The following AJAP1 variants were observed in gnomAD, a reference collection of about 807,000 sequenced individuals.
AJAP1 encodes adherens junction-associated protein 1.
AJAP1 carries 5 observed loss-of-function variants against 35.0 expected under a neutral mutation model. That is an observed-to-expected ratio of 0.14 (90% CI 0.07 to 0.30). The LOEUF (loss-of-function observed/expected upper bound fraction) is 0.30. Among genes scored for constraint, AJAP1 ranks in the 10% least tolerant of loss-of-function variants. The pLI is 1.00. For missense variants in AJAP1, 586 were observed against 571.0 expected (o/e 1.03, Z -0.27); for synonymous variants, 284 against 249.3 (o/e 1.14, Z -1.31).
At chr1:4,733,896 G>A (rs1429629094) in intron 2 of AJAP1, among the ~76,000 whole-genome samples, 1 of 152,128 alleles carries the variant, frequency 6.6e-6, no homozygotes, top group African/African-American at 2.4e-5. Context: ...TGATTTCTGT[G>A]CTCATAATTC....
intron 1 of AJAP1, among the ~76,000 whole-genome samples, chr1:4,700,862 G>A (rs865873661): frequency 7.2e-5 from 11 of 152,196 alleles, no homozygotes; most frequent in Admixed American, 2.0e-4. Context: ...GGGGCAGCTG[G>A]TCTGGACTGG....
rs1424184280 is a variant in AJAP1 at position 4,789,365 on chromosome 1, A to G, written c.*6880A>G. ...AACTCTTGTCAATATCTTGGATTCC[A>G]TAGTAAAACATCTGTTAAGTAACAT... On this transcript the variant is annotated 3_prime_UTR_variant, in exon 6 of 6. Transcript: ENST00000378191. This position sits in a 1 kb window ranked among gnomAD's most constrained non-coding sequence, Gnocchi z 4.4. 1 of 152,248 alleles carries G rather than the reference A, an allele frequency of 6.6e-6. No individual in the cohort carries two copies. Among genetic ancestry groups the G allele is most frequent in the Non-Finnish European group, 1.5e-5 (1 of 68,044 alleles). The allele number at this position is 152,248 out of a possible 1,614,324, so 9.4% of individuals were successfully genotyped here. A position where few individuals can be genotyped will look rare whatever the true frequency, so the allele number is the denominator to read the frequency against.
intron 2 of AJAP1, among the ~76,000 whole-genome samples, chr1:4,714,946 A>T (rs1640354823): frequency 6.6e-6 from 1 of 152,200 alleles, no homozygotes; most frequent in Non-Finnish European, 1.5e-5. Flanking sequence ...ACTGGGAAGT[A>T]CTTGCTGGTG....
At chr1:4,701,314 A>G (rs1639984253) in intron 1 of AJAP1, among the ~76,000 whole-genome samples, 1 of 152,186 alleles carries the variant, frequency 6.6e-6, no homozygotes, top group Non-Finnish European at 1.5e-5. Flanking sequence ...CAGGTGGGAA[A>G]ACTGAAGCAT....
intron 2 of AJAP1, among the ~76,000 whole-genome samples, chr1:4,749,772 T>C (rs949821521): frequency 1.3e-5 from 2 of 152,194 alleles, no homozygotes; most frequent in African/African-American, 4.8e-5. Context: ...TGGCACAGCT[T>C]GTGCCTTTAA....
At chr1:4,698,477 A>G (rs910012364) in intron 1 of AJAP1, among the ~76,000 whole-genome samples, 3 of 152,210 alleles carry the variant, frequency 2.0e-5, no homozygotes, top group Admixed American at 6.5e-5. Flanking sequence ...ACATCACCTT[A>G]GGTGGGCTGT....
chr1:4,780,387 G>A (rs1642035452), intron 5 of AJAP1, among the ~76,000 whole-genome samples: 1 of 151,740 alleles, frequency 6.6e-6, no homozygotes, highest in Non-Finnish European at 1.5e-5. Context: ...GAATCATACA[G>A]CATTCGTCTC....
chr1:4,668,070 C>T (rs1352613753), intron 1 of AJAP1, among the ~76,000 whole-genome samples: 1 of 152,098 alleles, frequency 6.6e-6, no homozygotes, highest in Non-Finnish European at 1.5e-5. Context: ...CAAAAATTAG[C>T]CAGGCGTGGT....
intron 1 of AJAP1, among the ~76,000 whole-genome samples, chr1:4,699,493 G>A (rs543375879): frequency 5.1e-4 from 78 of 152,302 alleles, no homozygotes; most frequent in Middle Eastern, 3.4e-3. Context: ...GGAAGCTGGC[G>A]ATAACCTGAC....
chr1:4,770,589 C>T (rs977489585), intron 3 of AJAP1, among the ~76,000 whole-genome samples: 1 of 152,182 alleles, frequency 6.6e-6, no homozygotes, highest in African/African-American at 2.4e-5. Context: ...CTGCCTGCAG[C>T]CACTCCTCCA....
chr1:4,771,550 T>C (rs1472461256), intron 3 of AJAP1, among the ~76,000 whole-genome samples: 1 of 152,162 alleles, frequency 6.6e-6, no homozygotes, highest in Non-Finnish European at 1.5e-5. Context: ...TCCTGTGCTC[T>C]CATCATAGAA....
intron 1 of AJAP1, among the ~76,000 whole-genome samples, chr1:4,669,215 C>T (rs1020103646): frequency 1.8e-4 from 28 of 152,152 alleles, no homozygotes; most frequent in Admixed American, 3.9e-4. Flanking sequence ...GCAGTCATTC[C>T]CCGTCCCCCT....
chr1:4,749,156 G>A, intron 2 of AJAP1, among the ~76,000 whole-genome samples: 1 of 152,168 alleles, frequency 6.6e-6, no homozygotes, highest in Non-Finnish European at 1.5e-5. Context: ...GTTGTAAAGG[G>A]CCTTCCGTGA....
At chr1:4,690,372 C>G (rs1280837155) in intron 1 of AJAP1, among the ~76,000 whole-genome samples, 2 of 152,294 alleles carry the variant, frequency 1.3e-5, no homozygotes, top group Non-Finnish European at 2.9e-5. Flanking sequence ...CTTGTGTGAC[C>G]TCTTGTTTCA....
chr1:4,702,575 G>A (rs996910126), intron 1 of AJAP1, among the ~76,000 whole-genome samples: 1 of 152,160 alleles, frequency 6.6e-6, no homozygotes, highest in Non-Finnish European at 1.5e-5. Flanking sequence ...AAATGCCTTG[G>A]AGTGGACTGG....
chr1:4,672,083 A>C (rs1053001353), intron 1 of AJAP1, among the ~76,000 whole-genome samples: 1 of 152,190 alleles, frequency 6.6e-6, no homozygotes, highest in Admixed American at 6.5e-5. Flanking sequence ...TAACACACAC[A>C]TGTAAAGTAA....
chr1:4,743,535 C>T (rs563393777), intron 2 of AJAP1, among the ~76,000 whole-genome samples: 11 of 152,250 alleles, frequency 7.2e-5, no homozygotes, highest in South Asian at 4.2e-4. Flanking sequence ...TATGTGTCCG[C>T]GTTCATTCAT....
At position 4,677,413 on chromosome 1, in the gene AJAP1, C is replaced by T. The variant is rs534029227; in HGVS notation, c.29+21959C>T. On this transcript the variant is annotated intron_variant, in intron 1 of 5. Coordinates refer to ENST00000378191, the MANE Select transcript of AJAP1 (RefSeq NM_018836.4). ...AGGCTGCCCTGTGTGTACAGCTGCC[C>T]GGCTAATTAATTGCTTTTATTTGTA... is the stretch of plus-strand genomic sequence containing the variant. Among the ~76,000 whole-genome samples, 221 of 152,118 alleles carry T rather than the reference C, an allele frequency of 1.5e-3. 2 individuals carry two copies. The highest frequency in any genetic ancestry group is 5.0e-3 in the African/African-American group (206 of 41,498).
rs142529581 is a variant in AJAP1, at chr1:4,787,598, GAGGGGC to G, written c.*5129_*5134del. The G allele has an allele frequency of 3.7e-3, 1,626 of 435,236 alleles. 29 individuals are homozygous for G. The highest frequency in any genetic ancestry group is 0.03 in the African/African-American group (1,495 of 49,404). The allele number at this position is 435,236 out of a possible 1,614,324, so 27.0% of individuals were successfully genotyped here. On this transcript the variant is annotated 3_prime_UTR_variant, in exon 6 of 6. Coordinates refer to ENST00000378191, the MANE Select transcript of AJAP1 (RefSeq NM_018836.4). The stretch of plus-strand genomic sequence containing the variant: ...TGTCATTCCAGCAAGAGTGGAAGCA[GAGGGGC>G]AGGGGCAGGGGCAGGATGAGGGCTG...
Sources: gnomAD v4.1 joint callset for allele counts (sites outside exome capture counted in the v4.1 genomes callset) on GRCh38, gnomAD v4.1.1 for gene constraint, Gnocchi (gnomAD v3.1) non-coding constraint, MANE v1.5 for transcripts, NCBI Gene and HGNC (gene_info 2026-07-23, HGNC 2026-07-21) for gene names.